Variants in TMEM177 observed in about 807,000 individuals in gnomAD.
TMEM177 encodes transmembrane protein 177.
In TMEM177, 4 loss-of-function variants were observed where a neutral mutation model predicts 14.2. That is an observed-to-expected ratio of 0.28 (90% CI 0.14 to 0.64). The LOEUF (loss-of-function observed/expected upper bound fraction) is 0.64, where lower values mean the gene tolerates loss of function less well. TMEM177 is among the 30% of genes least tolerant of loss of function. TMEM177 has a pLI of 0.82. For synonymous variants in TMEM177, 179 were observed against 174.5 expected, an observed-to-expected ratio of 1.03 and a Z score of -0.20; for missense variants, 344 against 405.2, an observed-to-expected ratio of 0.85 and a Z score of 1.30.
the TMEM177 span, among the ~76,000 whole-genome samples, chr2:119,705,446 T>C: frequency 6.6e-6 from 1 of 152,308 alleles, no homozygotes; most frequent in South Asian, 2.1e-4. Flanking sequence ...ATCTGTCGCC[T>C]TACGGTTGTA....
At chr2:119,693,822 A>G in the TMEM177 span, among the ~76,000 whole-genome samples, 1 of 36,236 alleles carries the variant, frequency 2.8e-5, no homozygotes. Context: ...CACATATCAC[A>G]CACAAACATA....
At chr2:119,714,520 G>A in the TMEM177 span, among the ~76,000 whole-genome samples, 1 of 152,110 alleles carries the variant, frequency 6.6e-6, no homozygotes, top group Non-Finnish European at 1.5e-5. Flanking sequence ...AAAGAAGGTG[G>A]GACAAAGCAT....
At chr2:119,691,003 G>A (rs1351474764), downstream of TMEM177, among the ~76,000 whole-genome samples, 3 of 152,206 alleles carry the variant, frequency 2.0e-5, no homozygotes, top group African/African-American at 7.2e-5. Context: ...GATTGGGAAG[G>A]CCCTTCTGGT....
chr2:119,713,279 G>A, the TMEM177 span, among the ~76,000 whole-genome samples: 3 of 152,032 alleles, frequency 2.0e-5, no homozygotes, highest in Non-Finnish European at 4.4e-5. Context: ...TGTTGGTCAG[G>A]CTGGTCTCCA....
the TMEM177 span, among the ~76,000 whole-genome samples, chr2:119,693,720 C>T: frequency 6.6e-6 from 1 of 152,136 alleles, no homozygotes; most frequent in African/African-American, 2.4e-5. Flanking sequence ...CTCAGCCACA[C>T]CTGAAGCAAA....
intron 1 of TMEM177, among the ~76,000 whole-genome samples, chr2:119,680,562 A>G (rs1688867969): frequency 6.6e-6 from 1 of 152,204 alleles, no homozygotes; most frequent in South Asian, 2.1e-4. Flanking sequence ...CTGCTGTGCC[A>G]GACACTAAAT....
At chr2:119,719,006 A>C in the TMEM177 span, among the ~76,000 whole-genome samples, 1 of 152,224 alleles carries the variant, frequency 6.6e-6, no homozygotes, top group South Asian at 2.1e-4. Context: ...TCGGTTCTGC[A>C]TTTCTAACAA....
chr2:119,703,478 A>G, the TMEM177 span, among the ~76,000 whole-genome samples: 2 of 152,330 alleles, frequency 1.3e-5, no homozygotes, highest in African/African-American at 4.8e-5. Context: ...GTCCCTTCAT[A>G]CTACTACTGA....
chr2:119,694,766 AGCCCAC>A, the TMEM177 span, among the ~76,000 whole-genome samples: 1 of 152,240 alleles, frequency 6.6e-6, no homozygotes, highest in Non-Finnish European at 1.5e-5. Flanking sequence ...CGGGGAGCAG[AGCCCAC>A]TGCATCATGT....
At chr2:119,712,892 A>G in the TMEM177 span, among the ~76,000 whole-genome samples, 11 of 152,308 alleles carry the variant, frequency 7.2e-5, no homozygotes, top group South Asian at 2.3e-3. Flanking sequence ...GGTATCAGCA[A>G]GAAAGCAAGA....
At chr2:119,685,171 A>G (rs376091579), downstream of TMEM177, among the ~76,000 whole-genome samples, 1 of 150,670 alleles carries the variant, frequency 6.6e-6, no homozygotes, top group South Asian at 2.1e-4. Flanking sequence ...TGGCTGACTT[A>G]CAGAAAACTA....
At chr2:119,695,651 G>A in the TMEM177 span, among the ~76,000 whole-genome samples, 1 of 152,226 alleles carries the variant, frequency 6.6e-6, no homozygotes, top group Non-Finnish European at 1.5e-5. Context: ...CTATGTACAA[G>A]CCACAGCGCA....
At position 119,681,153 on chromosome 2, in the gene TMEM177, TG is replaced by T. The variant is rs746017659; in HGVS notation, c.304del (p.Ala102LeufsTer13). 5.0e-6 allele frequency: 8 copies of T among 1,614,124 alleles called. No individual in the cohort carries two copies. The South Asian group carries it at 7.7e-5, about 16-fold the overall frequency. On this transcript the variant is annotated frameshift_variant, in exon 2 of 2. Transcript: ENST00000272521. LOFTEE classifies it high-confidence loss of function. ...GTGCAGGCTTCCCAAGACTCCCTGC[TG>T]GGGCTGTGGTGGGCATCCCTGCCAG... The part of the protein sequence containing the change: ...VSAGFPRLPA[G>X]AVVGIPASFL...
chr2:119,682,903 C>G (rs1688940269), downstream of TMEM177, among the ~76,000 whole-genome samples: 1 of 152,178 alleles, frequency 6.6e-6, no homozygotes, highest in African/African-American at 2.4e-5. Flanking sequence ...GACTGCAGCC[C>G]TGCCCTGCTT....
At chr2:119,720,813 T>G in the TMEM177 span, among the ~76,000 whole-genome samples, 1 of 152,202 alleles carries the variant, frequency 6.6e-6, no homozygotes, top group East Asian at 1.9e-4. Flanking sequence ...CAAAGTATAA[T>G]AGTCAATGTA....
At position 119,681,918 on chromosome 2, in the gene TMEM177, C is replaced by T; in HGVS notation, c.*129C>T. On this transcript the variant is annotated 3_prime_UTR_variant, in exon 2 of 2. Transcript: ENST00000272521. The stretch of plus-strand genomic sequence containing the variant: ...AATCACTGGCTTTGGAATTAAATAG[C>T]TTAGATTGTACTATAACCACTACTT... The T allele has an allele frequency of 2.5e-6, 2 of 796,834 alleles. No individual in the cohort carries two copies. The highest frequency in any genetic ancestry group is 4.0e-6 in the Non-Finnish European group (2 of 495,112). 49.4% of individuals were successfully genotyped at this position (796,834 alleles called of 1,614,324 possible).
At chr2:119,703,683 C>G in the TMEM177 span, among the ~76,000 whole-genome samples, 1 of 152,176 alleles carries the variant, frequency 6.6e-6, no homozygotes, top group Non-Finnish European at 1.5e-5. Context: ...CACCCCGACT[C>G]CCTTCCCCTC....
chr2:119,688,403 C>T (rs988723650), downstream of TMEM177, among the ~76,000 whole-genome samples: 4 of 152,094 alleles, frequency 2.6e-5, no homozygotes, highest in Admixed American at 2.6e-4. Flanking sequence ...AAGGCAATTC[C>T]ATCTTTGTGT....
In TMEM177 at chr2:119,681,567, C is replaced by T; in HGVS notation, c.714C>T (p.Leu238=). 9 of 1,614,214 alleles carry T rather than the reference C, an allele frequency of 5.6e-6. No individual in the cohort carries two copies. The highest frequency in any genetic ancestry group is 7.6e-6 in the Non-Finnish European group (9 of 1,180,012). ...ESWLDRRTAS[L]SAAYACGGVE... ...GGCTGGACCGCCGCACGGCCTCCCTCTCTGCAGCCTATGCCTGTGGTGGAG... is the reference window on the plus strand; with the variant it reads ...GGCTGGACCGCCGCACGGCCTCCCTTTCTGCAGCCTATGCCTGTGGTGGAG... The change falls in exon 2 of 2, where the codon CTC becomes CTT. Residue 238 remains leucine (L), a synonymous_variant. Coordinates refer to ENST00000272521, the MANE Select transcript of TMEM177 (RefSeq NM_030577.3).
Sources: allele counts gnomAD v4.1 joint callset (sites outside exome capture counted in the v4.1 genomes callset), GRCh38; gene constraint gnomAD v4.1.1; transcripts MANE v1.5; gene names NCBI Gene and HGNC (gene_info 2026-07-23, HGNC 2026-07-21).